Variants in SLC41A3 observed in about 807,000 individuals in gnomAD.
SLC41A3 encodes the protein solute carrier family 41 member 3.
Under a neutral mutation model 45.4 loss-of-function variants are expected in SLC41A3, and 44 were observed. That is an observed-to-expected ratio of 0.97 (90% CI 0.76 to 1.25). The LOEUF is 1.25. Ranked by LOEUF, SLC41A3 falls within the 50% of genes most tolerant of loss-of-function variation. The pLI is 0.00. For missense variants in SLC41A3, 550 were observed against 600.6 expected, an observed-to-expected ratio of 0.92 and a Z score of 0.88; for synonymous variants, 256 against 252.4, an observed-to-expected ratio of 1.01 and a Z score of -0.13.
chr3:126,034,769 C>T (rs1460982436), intron 3 of SLC41A3, among the ~76,000 whole-genome samples: 1 of 152,260 alleles, frequency 6.6e-6, no homozygotes, highest in African/African-American at 2.4e-5. Context: ...TTCTATTAAT[C>T]AACCAGCTCC....
chr3:126,040,037 G>C (rs1434715207), intron 3 of SLC41A3, among the ~76,000 whole-genome samples: 2 of 152,142 alleles, frequency 1.3e-5, no homozygotes, highest in African/African-American at 2.4e-5. Context: ...AAAATATAAG[G>C]TGTGTACCTG....
chr3:126,047,819 G>A (rs1943062318), intron 3 of SLC41A3, among the ~76,000 whole-genome samples: 1 of 152,136 alleles, frequency 6.6e-6, no homozygotes, highest in South Asian at 2.1e-4. Flanking sequence ...AAGTTTCAAG[G>A]CATTAGATTT....
At chr3:126,034,932 C>T (rs1295264196) in intron 3 of SLC41A3, among the ~76,000 whole-genome samples, 3 of 152,214 alleles carry the variant, frequency 2.0e-5, no homozygotes, top group East Asian at 3.8e-4. Flanking sequence ...GTACAGCCCA[C>T]GTGGCAGCCT....
intron 6 of SLC41A3, among the ~76,000 whole-genome samples, chr3:126,018,551 CTGTT>C (rs937441164): frequency 5.3e-5 from 8 of 152,222 alleles, no homozygotes; most frequent in Admixed American, 1.3e-4. Flanking sequence ...TAAATCACAG[CTGTT>C]TATTTGTCTG....
At chr3:126,025,140 T>C (rs1941231839) in intron 5 of SLC41A3, 1 of 152,158 alleles carries the variant, frequency 6.6e-6, no homozygotes, top group African/African-American at 2.4e-5. Flanking sequence ...GTTGACAGTA[T>C]ATCCCCAGCA....
Position 126,028,746 on chromosome 3 carries a change from C to CA in SLC41A3, c.454-2268dup, listed in dbSNP as rs546197866. Among the ~76,000 whole-genome samples the CA allele has an allele frequency of 5.3e-5, 8 of 152,360 alleles. No homozygotes were observed. In the East Asian group the frequency reaches 1.5e-3, roughly 29 times the overall value. ...GGCACTGAATACCAGCCCATGAGAG[C>CA]AGCAGACAGGGCGGAACCCTGCAAA... On this transcript the variant is annotated intron_variant, in intron 4 of 10. Transcript: ENST00000360370.
rs772163948 is a variant in SLC41A3 at position 126,015,570 on chromosome 3, G to A, written c.894C>T (p.Phe298=). 42 of 1,613,964 alleles carry A rather than the reference G, an allele frequency of 2.6e-5. No homozygotes were observed. The highest frequency in any genetic ancestry group is 3.2e-5 in the Non-Finnish European group (38 of 1,179,986). Residue 298 remains phenylalanine, a synonymous_variant, in exon 8 of 11, where the codon TTC becomes TTT. Transcript: ENST00000360370. ...CGGTTTTGCTCAAGATGAGTCCTCCGAAACTGGGGAAATAGCAGACAGCAG... is the reference window on the plus strand; with the variant it reads ...CGGTTTTGCTCAAGATGAGTCCTCCAAAACTGGGGAAATAGCAGACAGCAG... The part of the protein sequence containing the change: ...PIILAMVISS[F]GGLILSKTVS...
At chr3:126,027,911 T>C (rs931124921) in intron 4 of SLC41A3, among the ~76,000 whole-genome samples, 1 of 152,154 alleles carries the variant, frequency 6.6e-6, no homozygotes, top group Non-Finnish European at 1.5e-5. Context: ...AGAATGATGA[T>C]TTAGGGTATC....
chr3:126,043,523 G>A (rs1170527312), intron 3 of SLC41A3, among the ~76,000 whole-genome samples: 1 of 151,956 alleles, frequency 6.6e-6, no homozygotes, highest in Non-Finnish European at 1.5e-5. Context: ...AAATTGGTTT[G>A]TAAAAAATTT....
At chr3:126,012,830 C>T (rs1040610352) in intron 8 of SLC41A3, 81 bp from the exon 9 acceptor site, 6 of 1,568,098 alleles carry the variant, frequency 3.8e-6, no homozygotes, top group Admixed American at 3.5e-5. Context: ...TTCCCTTCCT[C>T]CAGGAAGTCT....
rs183491629 is a variant in SLC41A3 at position 126,020,597 on chromosome 3, G to A, written c.745+2189C>T. 9.8e-5 allele frequency among the ~76,000 whole-genome samples: 15 copies of A among 152,308 alleles called. No homozygotes were observed. In the East Asian group the frequency reaches 2.7e-3, roughly 27 times the overall value. On this transcript the variant is annotated intron_variant, in intron 6 of 10. Transcript: ENST00000360370. The stretch of plus-strand genomic sequence containing the variant: ...TGAATGGACTTCCTCCTCAGCCAGG[G>A]CACTCTTAAAATGTAACCTGAAAGA...
At chr3:126,022,964 C>G (rs1941033882) in intron 5 of SLC41A3, 32 bp from the exon 6 acceptor site, 1 of 1,612,412 alleles carries the variant, frequency 6.2e-7, no homozygotes, top group Non-Finnish European at 8.5e-7. Flanking sequence ...ACAGCAGACT[C>G]AAATCCCAGG....
Position 126,068,089 on chromosome 3 carries a change from TC to T in SLC41A3, c.130del (p.Glu44ArgfsTer5). ...ASEDGALRAP[E>X]SQSVTPKPLE... ...TGGCTTGGGGGTCACGCTTTGGCTC[TC>T]AGGGGCCCTGAGAGCTCCATCTTCT... is the stretch of plus-strand genomic sequence containing the variant. On this transcript the variant is annotated frameshift_variant, in exon 2 of 11. Transcript: ENST00000360370. LOFTEE classifies it high-confidence loss of function. The T allele has an allele frequency of 6.2e-7, 1 of 1,613,794 alleles. No homozygotes were observed. Among genetic ancestry groups the T allele is most frequent in the Middle Eastern group, 1.6e-4 (1 of 6,062 alleles).
At chr3:126,069,680 A>G (rs1284894005) in intron 1 of SLC41A3, among the ~76,000 whole-genome samples, 6 of 152,240 alleles carry the variant, frequency 3.9e-5, no homozygotes, top group African/African-American at 1.4e-4. Context: ...GCTGTTTTAA[A>G]TATGTTCCAA....
chr3:126,008,932 G>T, intron 9 of SLC41A3, 52 bp from the exon 10 acceptor site: 1 of 1,603,178 alleles, frequency 6.2e-7, no homozygotes, highest in South Asian at 1.1e-5. Flanking sequence ...AGGCCACTTT[G>T]GCATGTGACA....
chr3:126,044,431 G>A (rs565094287), intron 3 of SLC41A3, among the ~76,000 whole-genome samples: 29 of 152,136 alleles, frequency 1.9e-4, no homozygotes, highest in Admixed American at 1.2e-3. Flanking sequence ...GGAAACAGAC[G>A]GTTTGAATAA....
chr3:126,065,729 G>C (rs1237327907), intron 2 of SLC41A3, among the ~76,000 whole-genome samples: 1 of 151,860 alleles, frequency 6.6e-6, no homozygotes, highest in Non-Finnish European at 1.5e-5. Flanking sequence ...TGAATGCATA[G>C]CAAAAAGCCA....
intron 2 of SLC41A3, among the ~76,000 whole-genome samples, chr3:126,058,557 C>T (rs1179022699): frequency 3.3e-5 from 5 of 152,206 alleles, no homozygotes; most frequent in African/African-American, 4.8e-5. Context: ...CACACCTCTC[C>T]CACAGCTGTC....
At chr3:126,035,964 CA>C in intron 3 of SLC41A3, among the ~76,000 whole-genome samples, 1 of 152,242 alleles carries the variant, frequency 6.6e-6, no homozygotes, top group African/African-American at 2.4e-5. Flanking sequence ...ATGAAGAGTT[CA>C]AAGAGAAAAC....
Sources: allele counts gnomAD v4.1 joint callset (sites outside exome capture counted in the v4.1 genomes callset), GRCh38; gene constraint gnomAD v4.1.1; transcripts MANE v1.5; gene names NCBI Gene and HGNC (gene_info 2026-07-23, HGNC 2026-07-21).